TACC2: variants seen among roughly 807,000 people sequenced by gnomAD.
TACC2 encodes transforming acidic coiled-coil containing protein 2.
Under a neutral mutation model 227.3 loss-of-function variants are expected in TACC2, and 137 were observed. That is an observed-to-expected ratio of 0.60 (90% CI 0.52 to 0.69). TACC2 has a LOEUF of 0.69. TACC2 is among the 30% of genes least tolerant of loss of function. TACC2 has a pLI of 0.00. For missense variants in TACC2, 3,470 were observed against 3,694.4 expected (o/e 0.94, Z 1.57); for synonymous variants, 1,523 against 1,487.5 (o/e 1.02, Z -0.55).
chr10:122,044,786 T>A (rs1268875105), intron 2 of TACC2, among the ~76,000 whole-genome samples: 1 of 151,744 alleles, frequency 6.6e-6, no homozygotes, highest in Non-Finnish European at 1.5e-5. Flanking sequence ...TAAAATAGAC[T>A]CCAGGCTCTG....
At chr10:122,064,711 G>A (rs1565194542) in intron 3 of TACC2, among the ~76,000 whole-genome samples, 1 of 152,122 alleles carries the variant, frequency 6.6e-6, no homozygotes, top group Non-Finnish European at 1.5e-5. Flanking sequence ...TAGTTTCACT[G>A]CCTTAAAAAC....
At chr10:122,131,715 G>A (rs556256842) in intron 5 of TACC2, among the ~76,000 whole-genome samples, 121 of 152,252 alleles carry the variant, frequency 7.9e-4, no homozygotes, top group Admixed American at 1.4e-3. Flanking sequence ...AGACATGAAC[G>A]TAGTCTATCA....
intron 11 of TACC2, 37 bp from the exon 12 acceptor site, chr10:122,224,689 T>C (rs746130398): frequency 1.2e-5 from 19 of 1,601,802 alleles, no homozygotes; most frequent in Non-Finnish European, 8.6e-7. Flanking sequence ...CCTCACCTTT[T>C]GTTTTTTTGT....
At position 122,215,698 on chromosome 10, in the gene TACC2, C is replaced by G. The variant is rs377230541; in HGVS notation, c.7344+247C>G. 4.6e-5 allele frequency among the ~76,000 whole-genome samples: 7 copies of G among 152,246 alleles called. No individual in the cohort carries two copies. In the East Asian group the frequency reaches 1.2e-3, roughly 25 times the overall value. On this transcript the variant is annotated intron_variant, in intron 10 of 22. Transcript: ENST00000369005. Reference sequence around the variant, plus strand: ...AAACATTAGTTGGGCTCTGGAGGACCCACTCTGCTCCATTCAGGCCAGTTC... The same window carrying G: ...AAACATTAGTTGGGCTCTGGAGGACGCACTCTGCTCCATTCAGGCCAGTTC...
At chr10:122,237,720 T>C (rs371510911) in intron 17 of TACC2, among the ~76,000 whole-genome samples, 182 bp downstream of exon 17, 47 of 152,260 alleles carry the variant, frequency 3.1e-4, no homozygotes, top group Non-Finnish European at 5.4e-4. Context: ...CTTTTGGCCT[T>C]GTTGAATTTA....
rs576922376 is a variant in TACC2 at position 122,083,750 on chromosome 10, A to G, written c.1250A>G (p.His417Arg). The G allele has an allele frequency of 3.0e-4, 492 of 1,614,076 alleles. 3 individuals are homozygous for G. Among genetic ancestry groups the G allele is most frequent in the South Asian group, 8.8e-4 (80 of 91,086 alleles). The stretch of plus-strand genomic sequence containing the variant: ...CTGCTCACTCCGACTGAGGAAGCAC[A>G]TCCAGCTTCAAGCCTCGCTTCATTC... ...PSLLTPTEEA[H>R]PASSLASFPA... The change falls in exon 4 of 23, where the codon CAT (histidine) becomes CGT (arginine). Residue 417 changes from histidine to arginine, a missense_variant. His to Arg is a conservative substitution (Grantham distance 29). Around this residue, in one of 10 missense-constraint regions of TACC2, gnomAD observed 1,924 missense variants for 1,978.3 expected, o/e 0.97. Transcript: ENST00000369005.
rs569803971 is a variant in TACC2 at position 122,212,593 on chromosome 10, T to C, written c.7283+885T>C. 6.6e-5 allele frequency among the ~76,000 whole-genome samples: 10 copies of C among 152,256 alleles called. No individual in the cohort carries two copies. The South Asian group carries it at 2.1e-3, about 32-fold the overall frequency. Reference sequence around the variant, plus strand: ...AATTTAACAAGGCTGAGGAGATCAGTCTCCCAGGGGCAGCAGAACAGACCA... The same window carrying C: ...AATTTAACAAGGCTGAGGAGATCAGCCTCCCAGGGGCAGCAGAACAGACCA... On this transcript the variant is annotated intron_variant, in intron 9 of 22. Coordinates refer to ENST00000369005, the MANE Select transcript of TACC2 (RefSeq NM_206862.4).
intron 13 of TACC2, among the ~76,000 whole-genome samples, chr10:122,227,447 A>G (rs1385275550): frequency 2.0e-5 from 3 of 152,238 alleles, no homozygotes; most frequent in African/African-American, 7.2e-5. Context: ...TAGTGGCACC[A>G]GGTGACAGGT....
At position 122,242,033 on chromosome 10, in the gene TACC2, G is replaced by A. The variant is rs756851146; in HGVS notation, c.8392+32G>A. 40 of 1,605,166 alleles carry A rather than the reference G, an allele frequency of 2.5e-5. 1 individual carries two copies. The highest frequency in any genetic ancestry group is 1.2e-4 in the African/African-American group (9 of 74,756). On this transcript the variant is annotated intron_variant, in intron 19 of 22. Transcript: ENST00000369005. ...GTCCTGACCTGCGGGGGCTCAGGCCGGCCCCGATGTTTCTGAACTATGAGG... is the reference window on the plus strand; with the variant it reads ...GTCCTGACCTGCGGGGGCTCAGGCCAGCCCCGATGTTTCTGAACTATGAGG...
At chr10:122,101,478 G>T (rs1196252103) in intron 5 of TACC2, among the ~76,000 whole-genome samples, 1 of 151,652 alleles carries the variant, frequency 6.6e-6, no homozygotes, top group African/African-American at 2.4e-5. Context: ...CCAGCACTTT[G>T]GGAGGCCAAG....
At chr10:122,204,123 G>A (rs1055985961) in intron 8 of TACC2, among the ~76,000 whole-genome samples, 14 of 149,216 alleles carry the variant, frequency 9.4e-5, no homozygotes, top group Non-Finnish European at 1.5e-4. Context: ...GTCCAGCTTC[G>A]GCTCGGCATC....
At chr10:122,203,282 CAGA>C (rs2094944383) in intron 8 of TACC2, among the ~76,000 whole-genome samples, 4 of 141,000 alleles carry the variant, frequency 2.8e-5, no homozygotes, top group Admixed American at 6.8e-5. Context: ...GCTGGCCGGG[CAGA>C]GGGGCTCCTC....
chr10:122,079,841 T>C (rs1375893641), intron 3 of TACC2, among the ~76,000 whole-genome samples: 2 of 152,250 alleles, frequency 1.3e-5, no homozygotes. Context: ...GCACAGCTGT[T>C]GGCAGGGCTA....
At position 122,055,290 on chromosome 10, in the gene TACC2, C is replaced by T. The variant is rs535676947; in HGVS notation, c.146+4740C>T. ...CATGAGGTATGGGAGCGTCGTTACA[C>T]GTGTGGGGTAGAGCACAGAGTGCAC... is the stretch of plus-strand genomic sequence containing the variant. On this transcript the variant is annotated intron_variant, in intron 3 of 22. Coordinates refer to ENST00000369005, the MANE Select transcript of TACC2 (RefSeq NM_206862.4). Among the ~76,000 whole-genome samples, 20 of 152,108 alleles carry T rather than the reference C, an allele frequency of 1.3e-4. No individual in the cohort carries two copies. In the South Asian group the frequency reaches 3.1e-3, roughly 24 times the overall value.
chr10:122,092,670 T>G (rs957647224), intron 5 of TACC2, among the ~76,000 whole-genome samples: 5 of 152,238 alleles, frequency 3.3e-5, no homozygotes, highest in African/African-American at 1.2e-4. Context: ...GGCATGGATA[T>G]CCTGTGGCTT....
chr10:122,246,636 G>C (rs564385031), intron 19 of TACC2: 1 of 152,352 alleles, frequency 6.6e-6, no homozygotes, highest in East Asian at 1.9e-4. Context: ...AAAGCTGCCC[G>C]GGTGGTTGTG....
At chr10:122,233,037 C>T (rs2095789393) in intron 16 of TACC2, among the ~76,000 whole-genome samples, 1 of 152,160 alleles carries the variant, frequency 6.6e-6, no homozygotes, top group South Asian at 2.1e-4. Context: ...CTTTGACTTC[C>T]ATATCTCTCT....
At chr10:122,153,610 C>G (rs1031697932) in intron 7 of TACC2, among the ~76,000 whole-genome samples, 12 of 152,214 alleles carry the variant, frequency 7.9e-5, no homozygotes, top group African/African-American at 2.7e-4. Context: ...CTTGTTTTTT[C>G]ACAAAACAGC....
intron 18 of TACC2, among the ~76,000 whole-genome samples, chr10:122,238,799 C>T (rs942570668): frequency 1.4e-4 from 22 of 152,026 alleles, no homozygotes; most frequent in African/African-American, 5.1e-4. Flanking sequence ...ATTTTTTATT[C>T]CTCTCTGCCT....
Sources: allele counts gnomAD v4.1 joint callset (sites outside exome capture counted in the v4.1 genomes callset), GRCh38; gene constraint gnomAD v4.1.1; regional missense constraint gnomAD v4.1.1; transcripts MANE v1.5; gene names NCBI Gene and HGNC (gene_info 2026-07-23, HGNC 2026-07-21).